LCLAT1: variants seen among roughly 807,000 people sequenced by gnomAD.
LCLAT1 encodes 1-AGP acyltransferase 8.
Under a neutral mutation model 30.7 loss-of-function variants are expected in LCLAT1, and 11 were observed. The observed-to-expected ratio is 0.36, with a 90% CI of 0.23 to 0.59. LCLAT1 has a LOEUF of 0.59. LCLAT1 is among the 20% of genes least tolerant of loss of function. LCLAT1 has a pLI of 0.77. For missense variants in LCLAT1, 402 were observed against 458.6 expected (o/e 0.88, Z 1.13); for synonymous variants, 155 against 151.3 (o/e 1.02, Z -0.18).
chr2:30,529,598 A>G (rs561653092), intron 2 of LCLAT1, among the ~76,000 whole-genome samples: 49 of 152,334 alleles, frequency 3.2e-4, no homozygotes, highest in African/African-American at 1.2e-3. Flanking sequence ...TATGAAAATT[A>G]CTGGAGTTCT....
chr2:30,595,276 A>G (rs1666880450), intron 5 of LCLAT1, among the ~76,000 whole-genome samples: 1 of 151,884 alleles, frequency 6.6e-6, no homozygotes. Flanking sequence ...TTTTTCCCCC[A>G]TTCCACGTCT....
chr2:30,557,772 T>C (rs1233958861), intron 3 of LCLAT1, among the ~76,000 whole-genome samples: 1 of 152,156 alleles, frequency 6.6e-6, no homozygotes, highest in African/African-American at 2.4e-5. Context: ...AGAGTAGGAT[T>C]GAGGGAAGTG....
chr2:30,569,807 A>G (rs1665694631), intron 5 of LCLAT1, among the ~76,000 whole-genome samples: 1 of 152,204 alleles, frequency 6.6e-6, no homozygotes, highest in African/African-American at 2.4e-5. Context: ...TGCTTTTGCA[A>G]TTCCGTGATT....
intron 5 of LCLAT1, among the ~76,000 whole-genome samples, chr2:30,611,882 C>T (rs1271502016): frequency 6.6e-6 from 1 of 152,058 alleles, no homozygotes; most frequent in South Asian, 2.1e-4. Flanking sequence ...TAGAAATGGG[C>T]GTATCATGCC....
At position 30,557,454 on chromosome 2, in the gene LCLAT1, G is replaced by A. The variant is rs924615761; in HGVS notation, c.365-4692G>A. Among the ~76,000 whole-genome samples the A allele has an allele frequency of 1.3e-4, 19 of 151,030 alleles. No individual in the cohort carries two copies. In the South Asian group the frequency reaches 1.9e-3, roughly 15 times the overall value. ...TTTGAGGCAAAGTTTCACTTTTGTC[G>A]CCCAGCCTGGAGTGCAATGGCACAA... On this transcript the variant is annotated intron_variant, in intron 3 of 5. Transcript: ENST00000379509.
At chr2:30,471,497 A>C (rs1337019348) in intron 1 of LCLAT1, among the ~76,000 whole-genome samples, 2 of 152,250 alleles carry the variant, frequency 1.3e-5, no homozygotes, top group African/African-American at 2.4e-5. Context: ...GGCGTGAGCC[A>C]CTGTGCCTGG....
At chr2:30,512,907 T>C (rs1006372039) in intron 1 of LCLAT1, among the ~76,000 whole-genome samples, 5 of 152,216 alleles carry the variant, frequency 3.3e-5, no homozygotes, top group African/African-American at 1.2e-4. Flanking sequence ...TCCATTTCTC[T>C]GTGTACTCCT....
chr2:30,468,493 GA>G (rs546603436), intron 1 of LCLAT1, among the ~76,000 whole-genome samples: 18 of 150,424 alleles, frequency 1.2e-4, no homozygotes, highest in East Asian at 7.8e-4. Context: ...GGATAGTTGG[GA>G]AAAAAAATAG....
chr2:30,508,250 T>G (rs953685669), intron 1 of LCLAT1, among the ~76,000 whole-genome samples: 2 of 152,214 alleles, frequency 1.3e-5, no homozygotes, highest in Admixed American at 6.5e-5. Context: ...ACTCTGTTGA[T>G]AATTTCTTTT....
chr2:30,481,453 G>A (rs1683316704), intron 1 of LCLAT1, among the ~76,000 whole-genome samples: 1 of 146,318 alleles, frequency 6.8e-6, no homozygotes, highest in East Asian at 2.1e-4. Flanking sequence ...GCATTTAGAG[G>A]TCTGGTAGAG....
intron 5 of LCLAT1, among the ~76,000 whole-genome samples, chr2:30,585,155 G>C (rs999052452): frequency 1.2e-4 from 19 of 152,002 alleles, no homozygotes; most frequent in African/African-American, 4.6e-4. Context: ...TTAAAACATA[G>C]CTGTCTCCTG....
intron 5 of LCLAT1, among the ~76,000 whole-genome samples, chr2:30,630,142 ACT>A (rs1164843537): frequency 6.6e-6 from 1 of 152,124 alleles, no homozygotes; most frequent in East Asian, 1.9e-4. Flanking sequence ...CCACTTTCTC[ACT>A]GTGTCCTCAC....
chr2:30,534,841 G>A (rs1169127247), intron 3 of LCLAT1, among the ~76,000 whole-genome samples: 5 of 152,238 alleles, frequency 3.3e-5, no homozygotes, highest in Non-Finnish European at 7.3e-5. Context: ...GATTGAAGAT[G>A]TGTCTAAGAT....
intron 3 of LCLAT1, among the ~76,000 whole-genome samples, chr2:30,534,271 G>T (rs1490839714): frequency 8.0e-6 from 1 of 124,798 alleles, no homozygotes. Context: ...GTGTGTGTGT[G>T]TGTTTGGGAG....
At chr2:30,540,705 C>T (rs968658885) in intron 3 of LCLAT1, among the ~76,000 whole-genome samples, 4 of 151,568 alleles carry the variant, frequency 2.6e-5, no homozygotes, top group Non-Finnish European at 5.9e-5. Context: ...CCTCTTGTCC[C>T]CCAGGCTAGA....
intron 1 of LCLAT1, among the ~76,000 whole-genome samples, chr2:30,451,267 G>T (rs567981148): frequency 6.6e-4 from 101 of 152,258 alleles, no homozygotes; most frequent in Non-Finnish European, 1.2e-3. Flanking sequence ...TTGTTGGTGG[G>T]GGCCAGTGTT....
intron 1 of LCLAT1, among the ~76,000 whole-genome samples, chr2:30,521,486 CTTCTTCTTTTTTTTTTTTTT>C (rs1685466551): frequency 3.9e-5 from 1 of 25,852 alleles, no homozygotes; most frequent in Non-Finnish European, 6.5e-5. Context: ...CCCTAAACTA[CTTCTTCTTTTTTTTTTTTTT>C]TTTTTTTTTT....
intron 1 of LCLAT1, among the ~76,000 whole-genome samples, chr2:30,486,309 T>C (rs1683553764): frequency 6.6e-6 from 1 of 152,234 alleles, no homozygotes; most frequent in Non-Finnish European, 1.5e-5. Context: ...TATGTGTAAG[T>C]TACAGAAGTT....
intron 1 of LCLAT1, among the ~76,000 whole-genome samples, chr2:30,464,647 C>G (rs1002199771): frequency 1.3e-5 from 2 of 152,108 alleles, no homozygotes; most frequent in Non-Finnish European, 2.9e-5. Context: ...TACAGTGAAA[C>G]AGACAAAACT....
Sources: gnomAD v4.1 joint callset for allele counts (sites outside exome capture counted in the v4.1 genomes callset) on GRCh38, gnomAD v4.1.1 for gene constraint, MANE v1.5 for transcripts, NCBI Gene and HGNC (gene_info 2026-07-23, HGNC 2026-07-21) for gene names.